The following NT5DC3 variants were observed in gnomAD, a reference collection of about 807,000 sequenced individuals.
NT5DC3 encodes the protein 5'-nucleotidase domain containing 3.
In NT5DC3, 42 loss-of-function variants were observed where a neutral mutation model predicts 67.8. The ratio of observed to expected loss-of-function variants is 0.62; its 90% confidence interval spans 0.48 to 0.80. The LOEUF (loss-of-function observed/expected upper bound fraction) is 0.80. NT5DC3 is among the 30% of genes least tolerant of loss of function. NT5DC3 has a pLI of 0.00. For missense variants in NT5DC3, 570 were observed against 696.4 expected, an observed-to-expected ratio of 0.82 and a Z score of 2.04; for synonymous variants, 237 against 255.6, an observed-to-expected ratio of 0.93 and a Z score of 0.69.
chr12:103,836,836 C>G (rs961120004), intron 1 of NT5DC3, among the ~76,000 whole-genome samples: 2 of 152,016 alleles, frequency 1.3e-5, no homozygotes, highest in African/African-American at 4.8e-5. Context: ...CACGGGTGGG[C>G]GTCGAATGTC....
the NT5DC3 span, chr12:103,763,603 T>G: frequency 1.2e-6 from 2 of 1,613,560 alleles, no homozygotes; most frequent in Non-Finnish European, 1.7e-6. Flanking sequence ...CTACGACCCC[T>G]TCACGGTGAG....
chr12:103,832,382 T>C (rs767047604), intron 1 of NT5DC3, among the ~76,000 whole-genome samples: 2 of 152,156 alleles, frequency 1.3e-5, no homozygotes, highest in East Asian at 3.8e-4. Context: ...TCTCCAGGGT[T>C]AGGGCCTCAG....
At chr12:103,803,039 G>A (rs1396886291) in intron 4 of NT5DC3, among the ~76,000 whole-genome samples, 2 of 152,156 alleles carry the variant, frequency 1.3e-5, no homozygotes, top group Admixed American at 1.3e-4. Context: ...GAAGGGGTAA[G>A]TGTCTATGGA....
At chr12:103,761,073 C>A in the NT5DC3 span, among the ~76,000 whole-genome samples, 4 of 152,150 alleles carry the variant, frequency 2.6e-5, no homozygotes, top group Non-Finnish European at 2.9e-5. Context: ...GTGGGTTGGA[C>A]AAATGACCCA....
chr12:103,793,916 G>A (rs770648335), intron 7 of NT5DC3, 21 bp downstream of exon 7: 64 of 1,588,616 alleles, frequency 4.0e-5, no homozygotes, highest in Non-Finnish European at 4.6e-5. Context: ...AACTCTCTTC[G>A]TGATACTGCT....
chr12:103,759,569 C>T, the NT5DC3 span, among the ~76,000 whole-genome samples: 1 of 152,176 alleles, frequency 6.6e-6, no homozygotes, highest in Non-Finnish European at 1.5e-5. Flanking sequence ...CAGGCATTAA[C>T]ATGAGCTCCA....
intron 11 of NT5DC3, among the ~76,000 whole-genome samples, chr12:103,785,921 A>C (rs1277714351): frequency 6.6e-6 from 1 of 152,024 alleles, no homozygotes; most frequent in African/African-American, 2.4e-5. Flanking sequence ...CATACAACAT[A>C]AGCATGCATG....
In NT5DC3 at chr12:103,785,381, G is replaced by A; in HGVS notation, c.1283C>T (p.Thr428Ile). ...AGTCAAGGTCTGCAGCCAGGTCATG[G>A]TTTGAATGTATTGCTCCGTGTTCAT... Reference protein sequence around the residue: ...KIMNTEQYIQTMTWLQTLTGL... With the variant: ...KIMNTEQYIQIMTWLQTLTGL... The change falls in exon 12 of 14, where the codon ACC becomes ATC. Residue 428 changes from threonine (T) to isoleucine (I), a missense_variant. Thr to Ile is a moderately conservative substitution (Grantham distance 89, BLOSUM62 -1). This residue lies in a region of NT5DC3 where 466 missense variants were observed against 608.0 expected (regional missense o/e 0.77). Coordinates refer to ENST00000392876, the MANE Select transcript of NT5DC3 (RefSeq NM_001031701.3). 2 of 1,614,066 alleles carry A rather than the reference G, an allele frequency of 1.2e-6. No homozygotes were observed. Among genetic ancestry groups the A allele is most frequent in the South Asian group, 2.2e-5 (2 of 91,082 alleles).
At chr12:103,761,199 A>G in the NT5DC3 span, 4 of 1,079,642 alleles carry the variant, frequency 3.7e-6, no homozygotes, top group Non-Finnish European at 5.6e-6. Flanking sequence ...ACAAACCTGA[A>G]ACATGGGCTC....
At chr12:103,784,896 C>G (rs927241800) in intron 12 of NT5DC3, among the ~76,000 whole-genome samples, 1 of 152,224 alleles carries the variant, frequency 6.6e-6, no homozygotes, top group African/African-American at 2.4e-5. Flanking sequence ...GATCTTGACT[C>G]TTGCTTTGAG....
rs3036176 is a variant in NT5DC3 at position 103,786,681 on chromosome 12, A to ATTTTTTTTTTTTTTTTTTT, written c.1188+741_1188+759dup. ...GATGCCCACCTTCCTCACTGGTTTGATTTTTTTTTTTTTTTTTTTGAGGCA... is the reference window on the plus strand; with the variant it reads ...GATGCCCACCTTCCTCACTGGTTTGATTTTTTTTTTTTTTTTTTTTTTTTTTTTTTTTTTTTTTGAGGCA... On this transcript the variant is annotated intron_variant, in intron 11 of 13. Coordinates refer to ENST00000392876, the MANE Select transcript of NT5DC3 (RefSeq NM_001031701.3). Among the ~76,000 whole-genome samples, 4 of 132,366 alleles carry ATTTTTTTTTTTTTTTTTTT rather than the reference A, an allele frequency of 3.0e-5. 1 individual carries two copies. Among genetic ancestry groups the ATTTTTTTTTTTTTTTTTTT allele is most frequent in the Non-Finnish European group, 3.2e-5 (2 of 63,134 alleles). The allele number at this position is 132,366 out of a possible 152,430, so 86.8% of individuals were successfully genotyped here.
chr12:103,835,038 G>A (rs778671786), intron 1 of NT5DC3, among the ~76,000 whole-genome samples: 7 of 152,088 alleles, frequency 4.6e-5, no homozygotes, highest in Non-Finnish European at 1.0e-4. Flanking sequence ...CTCGCTGCTT[G>A]CCTCCCCTGA....
At position 103,807,168 on chromosome 12, in the gene NT5DC3, C is replaced by T. The variant is rs1419522086; in HGVS notation, c.394-239G>A. Among the ~76,000 whole-genome samples the T allele has an allele frequency of 2.0e-5, 3 of 152,078 alleles. No homozygotes were observed. The East Asian group carries it at 5.8e-4, about 29-fold the overall frequency. On this transcript the variant is annotated intron_variant, in intron 2 of 13. Coordinates refer to ENST00000392876, the MANE Select transcript of NT5DC3 (RefSeq NM_001031701.3). Reference sequence around the variant, plus strand: ...TCCATCTGCCCAAGCACAGGCTGGGCCTCATTCTCTCCCCTGCCAACTTCT... The same window carrying T: ...TCCATCTGCCCAAGCACAGGCTGGGTCTCATTCTCTCCCCTGCCAACTTCT...
In NT5DC3 at chr12:103,796,895, T is replaced by C. The variant is rs1886340804; in HGVS notation, c.752A>G (p.Lys251Arg). 6.2e-7 allele frequency: 1 copy of C among 1,614,154 alleles called. No homozygotes were observed. Among genetic ancestry groups the C allele is most frequent in the Admixed American group, 1.7e-5 (1 of 60,032 alleles). The change falls in exon 6 of 14, where the codon AAG (lysine) becomes AGG (arginine). Residue 251 changes from lysine to arginine, a missense_variant and splice_region_variant. By Grantham distance (26) the Lys-to-Arg change is conservative. Transcript: ENST00000392876. ...GTAATCTCTCACTGTGGATACAACC[T>C]TGACATCTTTGTACAGATGCACAGG... ...YEPVHLYKDV[K>R]DSIRDVHIKG... is the part of the protein sequence containing the mutation.
chr12:103,764,077 C>A, the NT5DC3 span, among the ~76,000 whole-genome samples: 1 of 152,014 alleles, frequency 6.6e-6, no homozygotes, highest in Non-Finnish European at 1.5e-5. Context: ...CCTCTGCCTC[C>A]CGAGTAGCTG....
chr12:103,761,366 A>AT, the NT5DC3 span: 1 of 1,613,544 alleles, frequency 6.2e-7, no homozygotes, highest in Non-Finnish European at 8.5e-7. Flanking sequence ...CAATGGGATC[A>AT]TTCATGTCAT....
intron 1 of NT5DC3, among the ~76,000 whole-genome samples, chr12:103,840,646 C>G (rs1401608568): frequency 2.0e-5 from 3 of 152,156 alleles, no homozygotes; most frequent in African/African-American, 4.8e-5. Flanking sequence ...AACCCCAGCC[C>G]CGCGCGGCCC....
chr12:103,791,711 G>A (rs1286408165), intron 9 of NT5DC3, among the ~76,000 whole-genome samples: 2 of 152,204 alleles, frequency 1.3e-5, no homozygotes, highest in Admixed American at 6.5e-5. Context: ...CACAGCAGGA[G>A]GCGAGCGTCC....
chr12:103,754,597 T>G, the NT5DC3 span, among the ~76,000 whole-genome samples: 2 of 152,022 alleles, frequency 1.3e-5, no homozygotes, highest in Non-Finnish European at 2.9e-5. Flanking sequence ...GTGGTGATGA[T>G]GGGGAGGATG....
Sources: gnomAD v4.1 joint callset for allele counts (sites outside exome capture counted in the v4.1 genomes callset) on GRCh38, gnomAD v4.1.1 for gene constraint, gnomAD v4.1.1 regional missense constraint, MANE v1.5 for transcripts, NCBI Gene and HGNC (gene_info 2026-07-23, HGNC 2026-07-21) for gene names.